IL2RB: variants seen among roughly 807,000 people sequenced by gnomAD.
IL2RB encodes interleukin 2 receptor subunit beta.
Under a neutral mutation model 44.2 loss-of-function variants are expected in IL2RB, and 17 were observed. That is an observed-to-expected ratio of 0.38 (90% confidence interval 0.26 to 0.58). IL2RB has a LOEUF of 0.58. IL2RB is among the 20% of genes least tolerant of loss of function. The probability of loss-of-function intolerance (pLI) is 0.63; values close to 1 mark genes in which losing one functional copy is unlikely to be tolerated. For synonymous variants in IL2RB, 286 were observed against 297.9 expected (o/e 0.96, Z 0.41); for missense variants, 624 against 685.5 (o/e 0.91, Z 1.00).
intron 1 of IL2RB, among the ~76,000 whole-genome samples, chr22:37,170,063 GGAAGGATGGGGGA>G (rs144263681): frequency 0.086 from 275 of 3,186 alleles, 1 homozygote; most frequent in African/African-American, 0.11. Context: ...GGAGAAGGAA[GGAAGGATGGGGGA>G]GAAGGAAGGA....
chr22:37,152,000 T>C (rs1163365485), upstream of IL2RB, among the ~76,000 whole-genome samples: 1 of 152,242 alleles, frequency 6.6e-6, no homozygotes, highest in Non-Finnish European at 1.5e-5. Flanking sequence ...AGTCAGATAA[T>C]GTGATTTGTC....
intron 1 of IL2RB, among the ~76,000 whole-genome samples, chr22:37,149,394 G>A (rs1198282005): frequency 1.3e-5 from 2 of 152,156 alleles, no homozygotes; most frequent in African/African-American, 4.8e-5. Flanking sequence ...GCAACACAGG[G>A]CTGCCTCCCC....
intron 5 of IL2RB, among the ~76,000 whole-genome samples, chr22:37,137,963 T>C (rs1480116696): frequency 1.3e-5 from 2 of 152,180 alleles, no homozygotes; most frequent in African/African-American, 4.8e-5. Flanking sequence ...GTTTCACTTT[T>C]ATTCCCAGTG....
At chr22:37,146,696 C>T (rs1426957055) in intron 1 of IL2RB, among the ~76,000 whole-genome samples, 1 of 152,192 alleles carries the variant, frequency 6.6e-6, no homozygotes, top group East Asian at 1.9e-4. Context: ...CCGGCGTTGA[C>T]CAGGGGCTGG....
intron 1 of IL2RB, among the ~76,000 whole-genome samples, chr22:37,148,164 T>C (rs1299831754): frequency 6.6e-6 from 1 of 152,160 alleles, no homozygotes; most frequent in Non-Finnish European, 1.5e-5. Context: ...ATCTGGAGTC[T>C]GCTTCCCGCC....
chr22:37,157,024 G>A (rs1922702590), intron 1 of IL2RB, among the ~76,000 whole-genome samples: 1 of 152,104 alleles, frequency 6.6e-6, no homozygotes, highest in Admixed American at 6.5e-5. Flanking sequence ...CCAGTGACCT[G>A]GTTTTGAGTC....
At chr22:37,147,348 C>A (rs910345360) in intron 1 of IL2RB, among the ~76,000 whole-genome samples, 8 of 152,182 alleles carry the variant, frequency 5.3e-5, no homozygotes, top group African/African-American at 1.9e-4. Context: ...TGCCCAGTGC[C>A]CAGGCAGGGA....
rs1401375315 is a variant in IL2RB, at chr22:37,128,953, T to C, written c.904-105A>G. 3 of 1,340,974 alleles carry C rather than the reference T, an allele frequency of 2.2e-6. No individual in the cohort carries two copies. The highest frequency in any genetic ancestry group is 2.9e-5 in the African/African-American group (2 of 68,294). The allele number at this position is 1,340,974 out of a possible 1,614,324, so 83.1% of individuals were successfully genotyped here. On this transcript the variant is annotated intron_variant, in intron 9 of 9. Coordinates refer to ENST00000216223, the MANE Select transcript of IL2RB (RefSeq NM_000878.5). This position sits in a 1 kb window ranked among gnomAD's most constrained non-coding sequence, Gnocchi z 4.5. Reference sequence around the variant, plus strand: ...CTAACTCCTCCTCCTCCTGAAGCAGTTGGCCCAGGGCTGCCCCATCCAGGA... The same window carrying C: ...CTAACTCCTCCTCCTCCTGAAGCAGCTGGCCCAGGGCTGCCCCATCCAGGA...
intron 1 of IL2RB, among the ~76,000 whole-genome samples, chr22:37,162,350 G>A (rs1316081221): frequency 2.6e-5 from 4 of 152,156 alleles, no homozygotes; most frequent in African/African-American, 4.8e-5. Flanking sequence ...TCTGCCTAAT[G>A]TACTGGTGGG....
At position 37,137,697 on chromosome 22, in the gene IL2RB, C is replaced by A. The variant is rs752982148; in HGVS notation, c.427G>T (p.Val143Leu). Residue 143 changes from valine (V) to leucine (L), a missense_variant, in exon 6 of 10, where the codon GTG becomes TTG. Physicochemically the swap from Val to Leu is conservative, Grantham distance 32. Coordinates refer to ENST00000216223, the MANE Select transcript of IL2RB (RefSeq NM_000878.5). ...MAPISLQVVH[V>L]ETHRCNISWE... Reference sequence around the variant, plus strand: ...CTTATGTTGCATCTGTGGGTCTCCACGTGGACAACTTGGAGGGAGATGGGG... The same window carrying A: ...CTTATGTTGCATCTGTGGGTCTCCAAGTGGACAACTTGGAGGGAGATGGGG... 1 of 1,613,864 alleles carries A rather than the reference C, an allele frequency of 6.2e-7. No individual in the cohort carries two copies. Among genetic ancestry groups the A allele is most frequent in the South Asian group, 1.1e-5 (1 of 91,082 alleles).
In IL2RB at chr22:37,149,817, GA is replaced by G; in HGVS notation, c.-34+7del. 2 of 984,060 alleles carry G rather than the reference GA, an allele frequency of 2.0e-6. No homozygotes were observed. The highest frequency in any genetic ancestry group is 2.4e-6 in the Non-Finnish European group (2 of 828,712). The allele number at this position is 984,060 out of a possible 1,614,324, so 61.0% of individuals were successfully genotyped here. On this transcript the variant is annotated splice_region_variant and intron_variant, in intron 1 of 9. Coordinates refer to ENST00000216223, the MANE Select transcript of IL2RB (RefSeq NM_000878.5). ...ACAGGGGCCGGGAGGGAGGCAGGGG[GA>G]CATCACCTGGCTGAGACATGGGGCG...
At chr22:37,147,733 G>C (rs558625814) in intron 1 of IL2RB, among the ~76,000 whole-genome samples, 26 of 152,354 alleles carry the variant, frequency 1.7e-4, no homozygotes, top group Middle Eastern at 3.4e-3. Context: ...AGACAGACTG[G>C]CAGGTGCTTA....
intron 1 of IL2RB, among the ~76,000 whole-genome samples, chr22:37,173,281 G>T (rs1052388464): frequency 3.3e-5 from 5 of 152,174 alleles, no homozygotes; most frequent in African/African-American, 7.2e-5. Flanking sequence ...CTGAAGCCCT[G>T]CTGTGACTGT....
Position 37,142,334 on chromosome 22 carries a change from G to T in IL2RB, c.282+100C>A, listed in dbSNP as rs139173038. 9.1e-5 allele frequency: 100 copies of T among 1,093,966 alleles called. No individual in the cohort carries two copies. The African/African-American group carries it at 1.4e-3, about 15-fold the overall frequency. 67.8% of individuals were successfully genotyped at this position (1,093,966 alleles called of 1,614,324 possible). On this transcript the variant is annotated intron_variant, in intron 4 of 9. Coordinates refer to ENST00000216223, the MANE Select transcript of IL2RB (RefSeq NM_000878.5). Reference sequence around the variant, plus strand: ...GCTTAGCCACAGCCCCAGCCATTGGGCCTCAGCTCTTCCCCTGGCATCCGG... The same window carrying T: ...GCTTAGCCACAGCCCCAGCCATTGGTCCTCAGCTCTTCCCCTGGCATCCGG...
At position 37,155,189 on chromosome 22, in the gene IL2RB, G is replaced by A. The variant is rs569761862; in HGVS notation, c.-33-10984C>T. Among the ~76,000 whole-genome samples, 8 of 152,194 alleles carry A rather than the reference G, an allele frequency of 5.3e-5. No homozygotes were observed. In the East Asian group the frequency reaches 1.4e-3, roughly 26 times the overall value. ...GGCCAGCAGGGGTGTGCAGAGAGGT[G>A]CACCTGCTTTCTTCAGCCCCTGCCC... On this transcript the variant is annotated intron_variant, in intron 1 of 5. Coordinates refer to the IL2RB transcript ENST00000429622.
upstream of IL2RB, chr22:37,150,001 G>T: frequency 1.3e-6 from 1 of 778,910 alleles, no homozygotes; most frequent in Non-Finnish European, 1.6e-6. Flanking sequence ...GGGGTGGAGA[G>T]GCGGGGAGAC....
intron 1 of IL2RB, among the ~76,000 whole-genome samples, chr22:37,164,575 T>C (rs1169859425): frequency 6.6e-6 from 1 of 151,872 alleles, no homozygotes; most frequent in Non-Finnish European, 1.5e-5. Flanking sequence ...TTCAGGTGAG[T>C]GGGCCGGGCA....
At chr22:37,136,466 A>AGCCCC (rs1921706426) in intron 6 of IL2RB, 73 bp from the exon 7 acceptor site, 1 of 1,263,078 alleles carries the variant, frequency 7.9e-7, no homozygotes. Flanking sequence ...GCATCACAGA[A>AGCCCC]CCCCCCCCCA....
chr22:37,153,683 T>G (rs1390301607), upstream of IL2RB, among the ~76,000 whole-genome samples: 1 of 152,106 alleles, frequency 6.6e-6, no homozygotes, highest in Non-Finnish European at 1.5e-5. Flanking sequence ...TGCAAGAAAT[T>G]AGGAACGCCG....
Sources: allele counts gnomAD v4.1 joint callset (sites outside exome capture counted in the v4.1 genomes callset), GRCh38; gene constraint gnomAD v4.1.1; non-coding constraint Gnocchi (gnomAD v3.1); transcripts MANE v1.5; gene names NCBI Gene and HGNC (gene_info 2026-07-23, HGNC 2026-07-21).